Variants in TRDN observed in about 807,000 individuals in gnomAD.
TRDN encodes triadin.
A neutral mutation model predicts 149.7 loss-of-function variants in TRDN; 161 were observed. The ratio of observed to expected loss-of-function variants is 1.08; its 90% CI spans 0.95 to 1.23. The LOEUF is 1.23. Among genes scored for constraint, TRDN ranks in the 50% most tolerant of loss-of-function variants. The pLI, the probability that TRDN is intolerant of heterozygous loss-of-function variation, is 0.00. For missense variants in TRDN, 896 were observed against 823.5 expected, an observed-to-expected ratio of 1.09 and a Z score of -1.08; for synonymous variants, 294 against 250.5, an observed-to-expected ratio of 1.17 and a Z score of -1.64.
At position 123,636,832 on chromosome 6, in the gene TRDN, G is replaced by T; in HGVS notation, c.-57C>A. 1 of 1,607,216 alleles carries T rather than the reference G, an allele frequency of 6.2e-7. No individual in the cohort carries two copies. Among genetic ancestry groups the T allele is most frequent in the Non-Finnish European group, 8.5e-7 (1 of 1,174,746 alleles). On this transcript the variant is annotated 5_prime_UTR_variant, in exon 1 of 41. It adds an upstream start codon to the 5' untranslated region. Coordinates refer to ENST00000334268, the MANE Select transcript of TRDN (RefSeq NM_006073.4). ...AGTTCCCGTCAAGTTGCACTTTGCAGAGTATTTGGGGATTTGAGAACTCTG... is the reference window on the plus strand; with the variant it reads ...AGTTCCCGTCAAGTTGCACTTTGCATAGTATTTGGGGATTTGAGAACTCTG...
At chr6:123,281,336 A>G (rs1020140496) in intron 24 of TRDN, among the ~76,000 whole-genome samples, 1 of 152,020 alleles carries the variant, frequency 6.6e-6, no homozygotes, top group Non-Finnish European at 1.5e-5. Context: ...TTTACCCTAA[A>G]TGTGTGATGG....
chr6:123,635,392 C>T (rs934468138), intron 1 of TRDN, among the ~76,000 whole-genome samples: 9 of 151,414 alleles, frequency 5.9e-5, no homozygotes, highest in Non-Finnish European at 1.3e-4. Flanking sequence ...GTTGGTAATG[C>T]TGGTCTTGAG....
intron 22 of TRDN, among the ~76,000 whole-genome samples, chr6:123,335,713 T>C (rs1304779478): frequency 1.3e-5 from 2 of 151,978 alleles, no homozygotes. Context: ...CAACCTTTCT[T>C]TTGAGCTGCT....
intron 1 of TRDN, among the ~76,000 whole-genome samples, chr6:123,610,435 T>C (rs1406029822): frequency 6.6e-6 from 1 of 152,178 alleles, no homozygotes; most frequent in Admixed American, 6.5e-5. Context: ...TATGTGTTCA[T>C]TCACTCTGCA....
chr6:123,242,481 G>T (rs1395294788), intron 38 of TRDN, among the ~76,000 whole-genome samples: 1 of 151,954 alleles, frequency 6.6e-6, no homozygotes, highest in Non-Finnish European at 1.5e-5. Flanking sequence ...TAAAGATACA[G>T]AATAAAAATC....
chr6:123,495,488 C>G lies in TRDN; in HGVS notation c.853+1705G>C, dbSNP rs371103480. ...GAGCCGAGATCACACCATTGCACTC[C>G]AGCCTGAGTGACGAGAGTGAGGCTC... On this transcript the variant is annotated intron_variant, in intron 9 of 40. Transcript: ENST00000334268. Among the ~76,000 whole-genome samples, 3 of 151,872 alleles carry G rather than the reference C, an allele frequency of 2.0e-5. No homozygotes were observed. In the South Asian group the frequency reaches 6.3e-4, roughly 32 times the overall value.
At chr6:123,502,177 A>G (rs1159715703) in intron 8 of TRDN, 8 of 984,162 alleles carry the variant, frequency 8.1e-6, no homozygotes, top group Non-Finnish European at 8.4e-6. Flanking sequence ...TCAGGATCTA[A>G]GTAATCATAC....
intron 20 of TRDN, among the ~76,000 whole-genome samples, chr6:123,357,546 C>T (rs753033233): frequency 2.0e-5 from 3 of 152,006 alleles, no homozygotes; most frequent in Admixed American, 6.5e-5. Flanking sequence ...TTACAATGTA[C>T]GCTATAAGAG....
chr6:123,273,479 C>A, intron 27 of TRDN, 116 bp from the exon 28 acceptor site: 1 of 455,824 alleles, frequency 2.2e-6, no homozygotes, highest in Non-Finnish European at 3.2e-6. Flanking sequence ...TTAAATAGTA[C>A]TGGGTTTCTG....
chr6:123,403,570 T>A (rs77453334), intron 12 of TRDN, among the ~76,000 whole-genome samples: 1 of 151,966 alleles, frequency 6.6e-6, no homozygotes, highest in Non-Finnish European at 1.5e-5. Context: ...CCAGAATGTG[T>A]GGGAAGAAAT....
At chr6:123,573,718 G>A (rs144860614) in intron 1 of TRDN, among the ~76,000 whole-genome samples, 1 of 151,914 alleles carries the variant, frequency 6.6e-6, no homozygotes, top group Non-Finnish European at 1.5e-5. Flanking sequence ...TATCCCATTA[G>A]CAAAATTAGA....
At chr6:123,627,576 G>T (rs1785745079) in intron 1 of TRDN, among the ~76,000 whole-genome samples, 1 of 152,268 alleles carries the variant, frequency 6.6e-6, no homozygotes, top group African/African-American at 2.4e-5. Flanking sequence ...ACCAGCATTG[G>T]CTTCAACTTG....
chr6:123,470,256 T>A (rs1244251793), intron 9 of TRDN: 1 of 152,146 alleles, frequency 6.6e-6, no homozygotes, highest in Non-Finnish European at 1.5e-5. Flanking sequence ...ACAAGATACG[T>A]AAAAGTGCCT....
chr6:123,610,027 T>C (rs935015291), intron 1 of TRDN, among the ~76,000 whole-genome samples: 1 of 152,146 alleles, frequency 6.6e-6, no homozygotes, highest in Non-Finnish European at 1.5e-5. Flanking sequence ...AACTGGAGAA[T>C]AATTTTATAT....
At chr6:123,629,035 T>C (rs1035579671) in intron 1 of TRDN, among the ~76,000 whole-genome samples, 1 of 152,146 alleles carries the variant, frequency 6.6e-6, no homozygotes, top group East Asian at 1.9e-4. Flanking sequence ...GATTTTACAG[T>C]ACGCTTTTTC....
chr6:123,256,325 A>G (rs1206554037), intron 35 of TRDN, among the ~76,000 whole-genome samples: 1 of 152,022 alleles, frequency 6.6e-6, no homozygotes, highest in African/African-American at 2.4e-5. Context: ...CATTTTCTTT[A>G]TGCAGTCTAT....
At chr6:123,269,604 A>G (rs1582803164) in intron 31 of TRDN, among the ~76,000 whole-genome samples, 1 of 152,076 alleles carries the variant, frequency 6.6e-6, no homozygotes, top group Middle Eastern at 3.4e-3. Context: ...GTAGTGATTT[A>G]ATTAATCATT....
intron 9 of TRDN, among the ~76,000 whole-genome samples, chr6:123,485,875 A>T (rs1285535470): frequency 6.6e-6 from 1 of 151,976 alleles, no homozygotes; most frequent in Non-Finnish European, 1.5e-5. Context: ...TTTCTCTCCT[A>T]TTCATTCCAT....
At chr6:123,603,327 A>G (rs1583311459) in intron 1 of TRDN, among the ~76,000 whole-genome samples, 2 of 152,068 alleles carry the variant, frequency 1.3e-5, no homozygotes, top group African/African-American at 4.8e-5. Flanking sequence ...CTGAAACTTT[A>G]GTACTATAAA....
Sources: gnomAD v4.1 joint callset for allele counts (sites outside exome capture counted in the v4.1 genomes callset) on GRCh38, gnomAD v4.1.1 for gene constraint, MANE v1.5 for transcripts, NCBI Gene and HGNC (gene_info 2026-07-23, HGNC 2026-07-21) for gene names.